Variants in VRK2 observed in about 807,000 individuals in gnomAD.
VRK2 encodes the protein serine/threonine-protein kinase VRK2.
In VRK2, 60 loss-of-function variants were observed where a neutral mutation model predicts 57.6. That is an observed-to-expected ratio of 1.04 (90% CI 0.85 to 1.29). The LOEUF is 1.29. Among genes scored for constraint, VRK2 ranks in the 50% most tolerant of loss-of-function variants. The probability of loss-of-function intolerance (pLI) is 0.00; values close to 1 mark genes in which losing one functional copy is unlikely to be tolerated. For synonymous variants in VRK2, 231 were observed against 199.2 expected, an observed-to-expected ratio of 1.16 and a Z score of -1.35; for missense variants, 705 against 588.1, an observed-to-expected ratio of 1.20 and a Z score of -2.06.
intron 1 of VRK2, among the ~76,000 whole-genome samples, chr2:58,019,041 AT>A (rs1261993157): frequency 6.6e-6 from 1 of 152,198 alleles, no homozygotes; most frequent in Non-Finnish European, 1.5e-5. Context: ...TTTTAGATGC[AT>A]TTTTAAATGC....
chr2:57,982,907 C>G (rs1221635059), intron 1 of VRK2, among the ~76,000 whole-genome samples: 1 of 152,188 alleles, frequency 6.6e-6, no homozygotes, highest in Non-Finnish European at 1.5e-5. Flanking sequence ...TGCCAACTCT[C>G]TAGATAGTTC....
chr2:58,077,746 C>T (rs1168604427), intron 2 of VRK2, among the ~76,000 whole-genome samples: 2 of 152,114 alleles, frequency 1.3e-5, no homozygotes, highest in South Asian at 2.1e-4. Flanking sequence ...AAATAATGTG[C>T]GTACTGCCAC....
intron 1 of VRK2, among the ~76,000 whole-genome samples, chr2:57,976,338 A>G (rs1228365241): frequency 1.3e-5 from 2 of 152,126 alleles, no homozygotes; most frequent in East Asian, 1.9e-4. Context: ...TCTCAAAACT[A>G]CTTTCCACAG....
chr2:58,098,474 A>G (rs989077525), intron 7 of VRK2, among the ~76,000 whole-genome samples: 8 of 152,104 alleles, frequency 5.3e-5, no homozygotes, highest in Non-Finnish European at 1.0e-4. Context: ...TGCCCTATAC[A>G]GCTATACCAT....
chr2:58,140,183 A>G (rs1318518373), intron 11 of VRK2, among the ~76,000 whole-genome samples: 2 of 151,942 alleles, frequency 1.3e-5, no homozygotes, highest in African/African-American at 2.4e-5. Flanking sequence ...TTGCCTACCA[A>G]TTTGGCCATA....
chr2:58,109,841 A>C (rs756846861), intron 7 of VRK2, among the ~76,000 whole-genome samples: 6 of 152,188 alleles, frequency 3.9e-5, no homozygotes, highest in African/African-American at 7.2e-5. Flanking sequence ...AGGATTTCAC[A>C]GGGTTCTTTC....
chr2:57,923,022 T>A (rs1239037043), intron 1 of VRK2, among the ~76,000 whole-genome samples: 2 of 152,200 alleles, frequency 1.3e-5, no homozygotes, highest in East Asian at 3.9e-4. Context: ...GTCCTCCAGT[T>A]CCATCCATGT....
chr2:57,959,450 T>G (rs1242314304), intron 1 of VRK2, among the ~76,000 whole-genome samples: 1 of 152,222 alleles, frequency 6.6e-6, no homozygotes, highest in Admixed American at 6.5e-5. Flanking sequence ...GCTCCAGCTC[T>G]TTGTGAACTA....
intron 7 of VRK2, among the ~76,000 whole-genome samples, chr2:58,104,669 A>G (rs1674489008): frequency 6.6e-6 from 1 of 151,948 alleles, no homozygotes; most frequent in Non-Finnish European, 1.5e-5. Flanking sequence ...ATCTCTATCC[A>G]AATACAAGCA....
chr2:58,058,524 T>A, intron 2 of VRK2: 2 of 398,422 alleles, frequency 5.0e-6, no homozygotes, highest in South Asian at 1.9e-5. Flanking sequence ...CTCTTAGACA[T>A]AATGTTACCA....
intron 1 of VRK2, among the ~76,000 whole-genome samples, chr2:58,024,832 TGA>T (rs1359339811): frequency 2.0e-5 from 3 of 152,216 alleles, no homozygotes; most frequent in Admixed American, 6.5e-5. Flanking sequence ...TTGGTTAGTG[TGA>T]GAGCAATTTT....
chr2:57,979,929 CT>C (rs918528490), intron 1 of VRK2, among the ~76,000 whole-genome samples: 11 of 152,014 alleles, frequency 7.2e-5, no homozygotes, highest in African/African-American at 2.2e-4. Context: ...TTCTCTCTCT[CT>C]TTTTTTGTTA....
chr2:58,030,461 C>A (rs1674078236), intron 2 of VRK2, among the ~76,000 whole-genome samples: 1 of 151,996 alleles, frequency 6.6e-6, no homozygotes, highest in African/African-American at 2.4e-5. Flanking sequence ...TCTAAAATGT[C>A]TTTAATGCAC....
At chr2:58,141,635 T>C (rs1681354487) in intron 11 of VRK2, among the ~76,000 whole-genome samples, 1 of 152,034 alleles carries the variant, frequency 6.6e-6, no homozygotes, top group Non-Finnish European at 1.5e-5. Context: ...ATTTATTTAT[T>C]ATAGTATTTT....
In VRK2 at chr2:58,046,855, G is replaced by GA. The variant is rs199728046; in HGVS notation, c.-18dup. 15,289 of 985,494 alleles carry GA rather than the reference G, an allele frequency of 0.016. 126 individuals carry two copies. The highest frequency in any genetic ancestry group is 0.017 in the Non-Finnish European group (14,338 of 829,962). 61.0% of individuals were successfully genotyped at this position (985,494 alleles called of 1,614,324 possible). On this transcript the variant is annotated 5_prime_UTR_variant, in exon 1 of 13. Coordinates refer to ENST00000340157, the MANE Select transcript of VRK2 (RefSeq NM_006296.7). ...CGGTGCGCGCGGCCCGGCGACGGGG[G>GA]ATCCTGAGGCCCGGTCAGTCTCTTG...
intron 1 of VRK2, among the ~76,000 whole-genome samples, chr2:57,921,718 T>C (rs1670356454): frequency 6.6e-6 from 1 of 152,086 alleles, no homozygotes; most frequent in Admixed American, 6.6e-5. Context: ...ATGATATGTG[T>C]GCACATTTTT....
chr2:58,157,695 ATC>A (rs1684149298), intron 12 of VRK2, among the ~76,000 whole-genome samples: 1 of 152,196 alleles, frequency 6.6e-6, no homozygotes, highest in Non-Finnish European at 1.5e-5. Context: ...AGTTATGATG[ATC>A]TGTTTGCTTT....
At chr2:58,016,232 G>A (rs1673577648) in intron 1 of VRK2, among the ~76,000 whole-genome samples, 1 of 152,172 alleles carries the variant, frequency 6.6e-6, no homozygotes, top group Non-Finnish European at 1.5e-5. Context: ...ATGTAAAGGA[G>A]TAAAACTTGC....
At chr2:57,950,581 G>A (rs1219070391) in intron 1 of VRK2, among the ~76,000 whole-genome samples, 1 of 152,150 alleles carries the variant, frequency 6.6e-6, no homozygotes, top group Non-Finnish European at 1.5e-5. Context: ...AGAACTCAAT[G>A]GAGATGTATA....
Sources: gnomAD v4.1 joint callset for allele counts (sites outside exome capture counted in the v4.1 genomes callset) on GRCh38, gnomAD v4.1.1 for gene constraint, MANE v1.5 for transcripts, NCBI Gene and HGNC (gene_info 2026-07-23, HGNC 2026-07-21) for gene names.